The following SLC12A9 variants were observed in gnomAD, a reference collection of about 807,000 sequenced individuals.
The protein encoded by SLC12A9 is solute carrier family 12 member 9.
Under a neutral mutation model 66.0 loss-of-function variants are expected in SLC12A9, and 55 were observed. The ratio of observed to expected loss-of-function variants is 0.83; its 90% confidence interval spans 0.67 to 1.04. The LOEUF is 1.04. Among genes scored for constraint, SLC12A9 ranks in the 50% least tolerant of loss-of-function variants. The pLI is 0.00. For synonymous variants in SLC12A9, 577 were observed against 569.0 expected, an observed-to-expected ratio of 1.01 and a Z score of -0.20; for missense variants, 1,061 against 1,241.9, an observed-to-expected ratio of 0.85 and a Z score of 2.19.
At chr7:100,841,311 A>G (rs890644199) in intron 1 of SLC12A9, among the ~76,000 whole-genome samples, 2 of 151,940 alleles carry the variant, frequency 1.3e-5, no homozygotes, top group Non-Finnish European at 1.5e-5. Flanking sequence ...ATGTAAAACT[A>G]TTTAAAAAAA....
Position 100,866,544 on chromosome 7 carries a change from G to T in SLC12A9, c.2684G>T (p.Arg895Leu), listed in dbSNP as rs1433831625. 1.9e-6 allele frequency: 3 copies of T among 1,585,894 alleles called. No homozygotes were observed. The highest frequency in any genetic ancestry group is 2.6e-6 in the Non-Finnish European group (3 of 1,167,236). Residue 895 changes from arginine (R) to leucine (L), a missense_variant, in exon 14 of 14, where the codon CGA becomes CTA. Physicochemically the swap from Arg to Leu is moderately radical, Grantham distance 102. Coordinates refer to ENST00000354161, the MANE Select transcript of SLC12A9 (RefSeq NM_020246.4). The surrounding 1 kb of genome is among the most constrained non-coding windows in gnomAD (Gnocchi z 7.3). Reference sequence around the variant, plus strand: ...CTGGCGCTACTGGAGACTCTAACCCGAGACCTGGGCCCCACGCTGCTGGTT... The same window carrying T: ...CTGGCGCTACTGGAGACTCTAACCCTAGACCTGGGCCCCACGCTGCTGGTT... ...RYLALLETLT[R>L]DLGPTLLVHG...
chr7:100,859,736 T>G (rs550654782), intron 7 of SLC12A9, 149 bp from the exon 8 acceptor site: 1 of 966,596 alleles, frequency 1.0e-6, no homozygotes, highest in East Asian at 2.5e-5. Context: ...GAATGACCAC[T>G]GAGTGATTAA....
chr7:100,861,250 C>T lies in SLC12A9; in HGVS notation c.1331C>T (p.Ala444Val). The T allele has an allele frequency of 6.2e-7, 1 of 1,614,172 alleles. No individual in the cohort carries two copies. The highest frequency in any genetic ancestry group is 8.5e-7 in the Non-Finnish European group (1 of 1,180,028). The change falls in exon 10 of 14, where the codon GCC becomes GTC. Residue 444 changes from alanine to valine, a missense_variant. By Grantham distance (64) the Ala-to-Val change is moderately conservative. Transcript: ENST00000354161. The surrounding 1 kb of genome is among the most constrained non-coding windows in gnomAD (Gnocchi z 5.3). ...LSCLSLEWAS[A>V]PNFRPTFSLF... ...TGCCTGAGCCTGGAGTGGGCCTCGGCCCCCAACTTCCGGTGAGAGACTCAG... is the reference window on the plus strand; with the variant it reads ...TGCCTGAGCCTGGAGTGGGCCTCGGTCCCCAACTTCCGGTGAGAGACTCAG...
chr7:100,863,933 T>C (rs1456543409), intron 13 of SLC12A9, among the ~76,000 whole-genome samples: 1 of 152,184 alleles, frequency 6.6e-6, no homozygotes, highest in Non-Finnish European at 1.5e-5. Flanking sequence ...CGGAGATGTT[T>C]TGGGGTGTCG....
upstream of SLC12A9, among the ~76,000 whole-genome samples, chr7:100,848,118 A>G (rs1212143388): frequency 2.7e-5 from 4 of 147,490 alleles, no homozygotes; most frequent in Non-Finnish European, 4.5e-5. Flanking sequence ...ATAGAAAAAG[A>G]TGGTAGTAGA....
chr7:100,838,309 G>A (rs1256219486), intron 1 of SLC12A9, among the ~76,000 whole-genome samples: 1 of 152,156 alleles, frequency 6.6e-6, no homozygotes, highest in Non-Finnish European at 1.5e-5. Flanking sequence ...TTTTAAATGG[G>A]ATTCGCAGGG....
intron 9 of SLC12A9, chr7:100,860,802 G>A: frequency 2.4e-6 from 1 of 423,138 alleles, no homozygotes; most frequent in Non-Finnish European, 4.5e-6. Context: ...CACTTTGCAT[G>A]GTTCACTGGT....
At chr7:100,850,910 G>A (rs1814054488), upstream of SLC12A9, among the ~76,000 whole-genome samples, 1 of 151,868 alleles carries the variant, frequency 6.6e-6, no homozygotes, top group African/African-American at 2.4e-5. Flanking sequence ...AGTAGAGATG[G>A]GGTATCACCA....
Position 100,862,842 on chromosome 7 carries a change from C to T in SLC12A9, c.1858+15C>T. 6.2e-7 allele frequency: 1 copy of T among 1,613,734 alleles called. No individual in the cohort carries two copies. Among genetic ancestry groups the T allele is most frequent in the Non-Finnish European group, 8.5e-7 (1 of 1,179,904 alleles). On this transcript the variant is annotated intron_variant, in intron 13 of 13. Transcript: ENST00000354161. ...CTCCGGCCTCGGTGAGCTGCTTCTC[C>T]CTGGATGCCCTCGGCCTTCCTCTGT...
chr7:100,829,981 T>C (rs1562978351), intron 1 of SLC12A9, among the ~76,000 whole-genome samples: 2 of 151,176 alleles, frequency 1.3e-5, no homozygotes, highest in African/African-American at 2.4e-5. Flanking sequence ...TGAGCAGAGA[T>C]TGCACCACTG....
chr7:100,857,462 C>T, intron 5 of SLC12A9: 1 of 454,232 alleles, frequency 2.2e-6, no homozygotes, highest in South Asian at 3.3e-5. Context: ...CCCAGCATGA[C>T]TTAAACAGAT....
chr7:100,828,701 G>T (rs571436819), intron 1 of SLC12A9, among the ~76,000 whole-genome samples: 2 of 152,174 alleles, frequency 1.3e-5, no homozygotes, highest in East Asian at 3.9e-4. Flanking sequence ...CTGGGGCTGC[G>T]GCTGCGGCTG....
Position 100,866,353 on chromosome 7 carries a change from G to C in SLC12A9, c.2493G>C (p.Glu831Asp). The C allele has an allele frequency of 1.3e-6, 2 of 1,510,908 alleles. No homozygotes were observed. The highest frequency in any genetic ancestry group is 1.8e-6 in the Non-Finnish European group (2 of 1,126,118). The allele number at this position is 1,510,908 out of a possible 1,614,324, so 93.6% of individuals were successfully genotyped here. Residue 831 changes from glutamate to aspartate, a missense_variant, in exon 14 of 14, where the codon GAG becomes GAC. Physicochemically the swap from Glu to Asp is conservative, Grantham distance 45. Transcript: ENST00000354161. The surrounding 1 kb of genome is among the most constrained non-coding windows in gnomAD (Gnocchi z 7.3). ...VNSGRGDAEA[E>D]ALARSANALV... ...GTGGGCGGGGAGACGCAGAGGCAGA[G>C]GCCCTGGCACGCAGCGCCAACGCCC...
rs140425277 is a variant in SLC12A9, at chr7:100,858,866, C to G, written c.789C>G (p.Ala263=). The change falls in exon 6 of 14, where the codon GCC becomes GCG. Residue 263 remains alanine, a synonymous_variant. Coordinates refer to ENST00000354161, the MANE Select transcript of SLC12A9 (RefSeq NM_020246.4). ...ATGCTGAGGACTACACCACGGGAGC[C>G]GTGATGAATTTTGCCAGCGTCTTTG... is the stretch of plus-strand genomic sequence containing the variant. ...AGYAEDYTTG[A]VMNFASVFAV... 6.2e-7 allele frequency: 1 copy of G among 1,614,176 alleles called. No individual in the cohort carries two copies.
chr7:100,861,932 C>T lies in SLC12A9; in HGVS notation c.1711+21C>T. On this transcript the variant is annotated intron_variant, in intron 12 of 13. Coordinates refer to ENST00000354161, the MANE Select transcript of SLC12A9 (RefSeq NM_020246.4). The surrounding 1 kb of genome is among the most constrained non-coding windows in gnomAD (Gnocchi z 5.3). ...CCTCGGTGAGCTGCCCTCCCACTCA[C>T]TCACTCACTCCCATCCTTCTCTCCC... is the stretch of plus-strand genomic sequence containing the variant. The T allele has an allele frequency of 6.4e-7, 1 of 1,561,740 alleles. No individual in the cohort carries two copies. The highest frequency in any genetic ancestry group is 8.7e-7 in the Non-Finnish European group (1 of 1,153,270).
intron 1 of SLC12A9, among the ~76,000 whole-genome samples, chr7:100,836,560 A>G (rs1813663465): frequency 6.6e-6 from 1 of 152,054 alleles, no homozygotes; most frequent in African/African-American, 2.4e-5. Context: ...TTCCACATCC[A>G]GCTGCTGCCC....
chr7:100,837,895 C>G (rs1460922792), intron 1 of SLC12A9, among the ~76,000 whole-genome samples: 2 of 113,218 alleles, frequency 1.8e-5, no homozygotes, highest in African/African-American at 7.5e-5. Flanking sequence ...GAGTCTTGCT[C>G]TGTTGCCCAG....
intron 1 of SLC12A9, among the ~76,000 whole-genome samples, chr7:100,829,749 C>G (rs1813506935): frequency 6.6e-6 from 1 of 152,200 alleles, no homozygotes; most frequent in Admixed American, 6.5e-5. Context: ...TGTCTTCTGG[C>G]TGGGGACAGT....
At chr7:100,845,436 ACCTC>A (rs1813887303) in intron 1 of SLC12A9, among the ~76,000 whole-genome samples, 1 of 151,432 alleles carries the variant, frequency 6.6e-6, no homozygotes, top group African/African-American at 2.4e-5. Flanking sequence ...TGCAAACTCT[ACCTC>A]CCGGGTTCAC....
Sources: allele counts gnomAD v4.1 joint callset (sites outside exome capture counted in the v4.1 genomes callset), GRCh38; gene constraint gnomAD v4.1.1; non-coding constraint Gnocchi (gnomAD v3.1); transcripts MANE v1.5; gene names NCBI Gene and HGNC (gene_info 2026-07-23, HGNC 2026-07-21).